CENPW: variants seen among roughly 807,000 people sequenced by gnomAD.
The protein encoded by CENPW is cancer-up-regulated gene 2 protein.
Under a neutral mutation model 11.1 loss-of-function variants are expected in CENPW, and 3 were observed. The ratio of observed to expected loss-of-function variants is 0.27; its 90% CI spans 0.12 to 0.70. CENPW has a LOEUF of 0.70. CENPW is among the 30% of genes least tolerant of loss of function. The probability of loss-of-function intolerance (pLI) is 0.77; values close to 1 mark genes in which losing one functional copy is unlikely to be tolerated. For missense variants in CENPW, 100 were observed against 105.6 expected, an observed-to-expected ratio of 0.95 and a Z score of 0.23; for synonymous variants, 38 against 42.0, an observed-to-expected ratio of 0.91 and a Z score of 0.37.
Position 126,340,303 on chromosome 6 carries a change from G to T in CENPW, c.30G>T (p.Arg10Ser). Reference sequence around the variant, plus strand: ...CGCTGTCGACCATAGTCTCCCAGAGGAAGCAGATAAAGCGGAAGGCTCCCC... The same window carrying T: ...CGCTGTCGACCATAGTCTCCCAGAGTAAGCAGATAAAGCGGAAGGCTCCCC... MALSTIVSQ[R>S]KQIKRKAPRG... The change falls in exon 1 of 3, where the codon AGG becomes AGT. Residue 10 changes from arginine (R) to serine (S), a missense_variant. Physicochemically the swap from Arg to Ser is moderately radical, Grantham distance 110. Coordinates refer to ENST00000368328, the MANE Select transcript of CENPW (RefSeq NM_001012507.4). 1 of 1,613,970 alleles carries T rather than the reference G, an allele frequency of 6.2e-7. No individual in the cohort carries two copies. Among genetic ancestry groups the T allele is most frequent in the Non-Finnish European group, 8.5e-7 (1 of 1,180,026 alleles).
At chr6:126,455,473 C>T in the CENPW span, among the ~76,000 whole-genome samples, 2 of 151,296 alleles carry the variant, frequency 1.3e-5, no homozygotes, top group African/African-American at 4.8e-5. Context: ...AAAAACCACA[C>T]AATCATCTCA....
chr6:126,394,446 C>T, the CENPW span, among the ~76,000 whole-genome samples: 4 of 151,958 alleles, frequency 2.6e-5, no homozygotes, highest in African/African-American at 7.2e-5. Context: ...ACTTTGTCTG[C>T]CTGCTTTTTA....
the CENPW span, among the ~76,000 whole-genome samples, chr6:126,361,591 A>G: frequency 6.6e-6 from 1 of 152,094 alleles, no homozygotes; most frequent in Admixed American, 6.5e-5. Context: ...CACCGCGCCC[A>G]GCCTCTTTTG....
the CENPW span, among the ~76,000 whole-genome samples, chr6:126,470,688 G>T: frequency 2.6e-5 from 4 of 152,234 alleles, no homozygotes; most frequent in Non-Finnish European, 4.4e-5. Context: ...CGGGGGCTGT[G>T]CCCTGTACAG....
chr6:126,366,366 G>GA, the CENPW span, among the ~76,000 whole-genome samples: 23 of 152,204 alleles, frequency 1.5e-4, no homozygotes, highest in African/African-American at 4.3e-4. Flanking sequence ...AGGAATTTTA[G>GA]AAAATTTGTT....
the CENPW span, among the ~76,000 whole-genome samples, chr6:126,406,920 G>T: frequency 2.0e-5 from 3 of 152,036 alleles, no homozygotes; most frequent in East Asian, 1.9e-4. Flanking sequence ...TCCTTTGCTG[G>T]GAGACTTTTT....
the CENPW span, among the ~76,000 whole-genome samples, chr6:126,356,688 T>C: frequency 1.5e-4 from 23 of 152,156 alleles, no homozygotes; most frequent in Non-Finnish European, 2.6e-4. Flanking sequence ...TGATGATTAG[T>C]GATGATGAAT....
chr6:126,417,625 CAG>C, the CENPW span, among the ~76,000 whole-genome samples: 1 of 152,124 alleles, frequency 6.6e-6, no homozygotes, highest in Non-Finnish European at 1.5e-5. Context: ...CTTTATAAAG[CAG>C]AGTTTCCCTG....
At position 126,346,232 on chromosome 6, in the gene CENPW, C is replaced by T. The variant is rs1304563472; in HGVS notation, c.154C>T (p.His52Tyr). ...CCATCTGAACTGTTTACTGTTTGTT[C>T]ATCGATTAGCAGAAGAGTCCAGGAC... Reference protein sequence around the residue: ...LVHLNCLLFVHRLAEESRTNA... With the variant: ...LVHLNCLLFVYRLAEESRTNA... The change falls in exon 2 of 3, where the codon CAT (histidine) becomes TAT (tyrosine). Residue 52 changes from histidine (H) to tyrosine (Y), a missense_variant. Physicochemically the swap from His to Tyr is moderately conservative, Grantham distance 83 (BLOSUM62 2). Transcript: ENST00000368328. 6.2e-7 allele frequency: 1 copy of T among 1,602,096 alleles called. No homozygotes were observed. Among genetic ancestry groups the T allele is most frequent in the Non-Finnish European group, 8.5e-7 (1 of 1,171,532 alleles).
At chr6:126,432,977 G>A in the CENPW span, among the ~76,000 whole-genome samples, 1 of 152,172 alleles carries the variant, frequency 6.6e-6, no homozygotes, top group Non-Finnish European at 1.5e-5. Context: ...AGGGGAAGGA[G>A]TGGCAAGAGA....
chr6:126,408,082 G>A, the CENPW span, among the ~76,000 whole-genome samples: 13 of 152,040 alleles, frequency 8.6e-5, no homozygotes, highest in African/African-American at 3.1e-4. Context: ...AAGCAATAGG[G>A]AAAGGATTCC....
the CENPW span, among the ~76,000 whole-genome samples, chr6:126,456,386 C>T: frequency 6.6e-6 from 1 of 151,358 alleles, no homozygotes; most frequent in African/African-American, 2.4e-5. Context: ...ATAGCGTGCC[C>T]AGAAATGAGG....
At chr6:126,379,038 G>A in the CENPW span, among the ~76,000 whole-genome samples, 1 of 152,084 alleles carries the variant, frequency 6.6e-6, no homozygotes, top group South Asian at 2.1e-4. Flanking sequence ...TCAGTGTCTG[G>A]CCTTTGTGTA....
chr6:126,459,212 G>A, the CENPW span, among the ~76,000 whole-genome samples: 1 of 150,964 alleles, frequency 6.6e-6, no homozygotes, highest in African/African-American at 2.4e-5. Flanking sequence ...TCCGATTTTT[G>A]ATCATTACAT....
the CENPW span, among the ~76,000 whole-genome samples, chr6:126,411,352 C>G: frequency 2.0e-5 from 3 of 152,194 alleles, no homozygotes; most frequent in Non-Finnish European, 4.4e-5. Context: ...TTATGTCTTT[C>G]TATTCCTGTT....
chr6:126,407,667 G>A, the CENPW span, among the ~76,000 whole-genome samples: 1 of 152,076 alleles, frequency 6.6e-6, no homozygotes, highest in African/African-American at 2.4e-5. Context: ...GTTTTGATTT[G>A]CATTTCCTTA....
the CENPW span, among the ~76,000 whole-genome samples, chr6:126,386,075 CCT>C: frequency 2.0e-5 from 3 of 152,004 alleles, no homozygotes; most frequent in Admixed American, 2.0e-4. Context: ...AAGGAATTAT[CCT>C]TCGGAGTGAG....
At chr6:126,382,284 A>G in the CENPW span, among the ~76,000 whole-genome samples, 1 of 152,038 alleles carries the variant, frequency 6.6e-6, no homozygotes, top group Non-Finnish European at 1.5e-5. Context: ...ATGGGATTAA[A>G]AAATATCTAA....
the CENPW span, among the ~76,000 whole-genome samples, chr6:126,413,310 G>A: frequency 6.6e-6 from 1 of 151,896 alleles, no homozygotes; most frequent in Non-Finnish European, 1.5e-5. Flanking sequence ...TCAACACAAA[G>A]GGAGAATTCT....
Sources: allele counts gnomAD v4.1 joint callset (sites outside exome capture counted in the v4.1 genomes callset), GRCh38; gene constraint gnomAD v4.1.1; transcripts MANE v1.5; gene names NCBI Gene and HGNC (gene_info 2026-07-23, HGNC 2026-07-21).